The following MARK4 variants were observed in gnomAD, a reference collection of about 807,000 sequenced individuals.
MARK4 encodes MAP/microtubule affinity-regulating kinase 4.
Under a neutral mutation model 81.5 loss-of-function variants are expected in MARK4, and 19 were observed. That is an observed-to-expected ratio of 0.23 (90% CI 0.16 to 0.34). The LOEUF (loss-of-function observed/expected upper bound fraction) is 0.34. MARK4 is among the 10% of genes least tolerant of loss of function. The probability of loss-of-function intolerance (pLI) is 1.00; values close to 1 mark genes in which losing one functional copy is unlikely to be tolerated. For synonymous variants in MARK4, 436 were observed against 439.0 expected (o/e 0.99, Z 0.08); for missense variants, 772 against 1,058.8 (o/e 0.73, Z 3.76).
In MARK4 at chr19:45,297,749, C is replaced by T. The variant is rs779119139; in HGVS notation, c.1672C>T (p.Arg558Cys). 5.6e-5 allele frequency: 88 copies of T among 1,577,550 alleles called. No individual in the cohort carries two copies. Among genetic ancestry groups the T allele is most frequent in the Non-Finnish European group, 6.3e-5 (74 of 1,165,650 alleles). ...SLAPPSGERS[R>C]LARGSTIRST... ...GGCACCCCCATCAGGGGAGCGGAGC[C>T]GCCTGGCACGTGGTTCCACCATCCG... is the stretch of plus-strand genomic sequence containing the variant. Residue 558 changes from arginine (R) to cysteine (C), a missense_variant, in exon 15 of 17, where the codon CGC (arginine) becomes TGC (cysteine). Coordinates refer to ENST00000262891, the MANE Select transcript of MARK4 (RefSeq NM_001199867.2).
intron 2 of MARK4, among the ~76,000 whole-genome samples, chr19:45,260,414 G>A (rs1599779170): frequency 2.7e-5 from 4 of 147,032 alleles, no homozygotes; most frequent in East Asian, 2.0e-4. Context: ...AAAATTGGCC[G>A]AGTGCAGTGG....
In MARK4 at chr19:45,302,689, C is replaced by T; in HGVS notation, c.2238C>T (p.Ile746=). The part of the protein sequence containing the change: ...ALAFRTLVTR[I]SNDLEL ...CCTTCCGCACCCTCGTCACCCGCAT[C>T]TCCAACGACCTCGAGCTCTGAGCCA... The change falls in exon 17 of 17, where the codon ATC becomes ATT. Residue 746 remains isoleucine (I), a synonymous_variant. Transcript: ENST00000262891. This position sits in a 1 kb window ranked among gnomAD's most constrained non-coding sequence, Gnocchi z 4.9. The T allele has an allele frequency of 1.3e-6, 2 of 1,536,486 alleles. No homozygotes were observed. Among genetic ancestry groups the T allele is most frequent in the Non-Finnish European group, 1.7e-6 (2 of 1,146,956 alleles).
chr19:45,299,408 C>T (rs138888386), intron 15 of MARK4, among the ~76,000 whole-genome samples: 23 of 152,130 alleles, frequency 1.5e-4, no homozygotes, highest in African/African-American at 5.5e-4. Context: ...GAGTGAGACT[C>T]TGTCTCAAAA....
At chr19:45,293,300 C>T (rs935933585) in intron 13 of MARK4, among the ~76,000 whole-genome samples, 5 of 151,870 alleles carry the variant, frequency 3.3e-5, no homozygotes, top group African/African-American at 1.2e-4. Flanking sequence ...TCCAATGGAC[C>T]CCTGGTAAAA....
intron 1 of MARK4, among the ~76,000 whole-genome samples, chr19:45,255,159 C>T (rs952410581): frequency 2.6e-5 from 4 of 151,338 alleles, no homozygotes; most frequent in Non-Finnish European, 5.9e-5. Flanking sequence ...GCCTTGATTA[C>T]ACCACTGCAC....
chr19:45,289,568 G>C (rs1265935820), intron 13 of MARK4, among the ~76,000 whole-genome samples: 1 of 151,524 alleles, frequency 6.6e-6, no homozygotes, highest in Admixed American at 6.6e-5. Flanking sequence ...TCGGGAGTTC[G>C]AGACCAGCCT....
chr19:45,257,688 TA>T (rs374045500), intron 1 of MARK4, among the ~76,000 whole-genome samples: 27,383 of 116,138 alleles, frequency 0.24, 3,138 homozygotes, highest in South Asian at 0.32. Flanking sequence ...TGGCCCATAA[TA>T]TTTTTTTTTT....
At position 45,280,673 on chromosome 19, in the gene MARK4, C is replaced by T; in HGVS notation, c.1215C>T (p.His405=). ...NGTSSSKGTS[H]SKGQRSSSST... ...CAAGTTCCAGCAAAGGCACCAGCCA[C>T]AGCAAAGGGCAGCGGAGTTCCTCTT... The change falls in exon 12 of 17, where the codon CAC becomes CAT. Residue 405 remains histidine (H), a synonymous_variant. Transcript: ENST00000262891. 6.2e-7 allele frequency: 1 copy of T among 1,614,202 alleles called. No individual in the cohort carries two copies. The highest frequency in any genetic ancestry group is 8.5e-7 in the Non-Finnish European group (1 of 1,180,030).
intron 1 of MARK4, among the ~76,000 whole-genome samples, chr19:45,257,689 ATT>A (rs71173133): frequency 0.35 from 30,034 of 85,390 alleles, 2,750 homozygotes; most frequent in Non-Finnish European, 0.43. Context: ...GGCCCATAAT[ATT>A]TTTTTTTTTT....
Position 45,272,956 on chromosome 19 carries a change from G to A in MARK4, c.786+1248G>A, listed in dbSNP as rs1295739630. 3.9e-5 allele frequency among the ~76,000 whole-genome samples: 6 copies of A among 152,248 alleles called. No homozygotes were observed. The East Asian group carries it at 1.2e-3, about 29-fold the overall frequency. ...CTCCGTGCATATACTAAAAGCCATC[G>A]AATTGTGCACTTCGCTTCAAACAAA... On this transcript the variant is annotated intron_variant, in intron 8 of 16. Transcript: ENST00000262891.
Position 45,271,717 on chromosome 19 carries a change from A to G in MARK4, c.786+9A>G. 1 of 1,613,116 alleles carries G rather than the reference A, an allele frequency of 6.2e-7. No homozygotes were observed. Among genetic ancestry groups the G allele is most frequent in the Non-Finnish European group, 8.5e-7 (1 of 1,179,452 alleles). On this transcript the variant is annotated intron_variant, in intron 8 of 16. Coordinates refer to ENST00000262891, the MANE Select transcript of MARK4 (RefSeq NM_001199867.2). This position sits in a 1 kb window ranked among gnomAD's most constrained non-coding sequence, Gnocchi z 4.1. The stretch of plus-strand genomic sequence containing the variant: ...ACGGGCACAACCTCAAGGTACCGAG[A>G]GGGGCTGGGTGCAGGGGCATCAGCC...
chr19:45,257,286 T>C (rs1358701053), intron 1 of MARK4, among the ~76,000 whole-genome samples: 1 of 152,198 alleles, frequency 6.6e-6, no homozygotes, highest in African/African-American at 2.4e-5. Context: ...CAAGAAAGTA[T>C]TATAAAATTA....
intron 14 of MARK4, 117 bp from the exon 15 acceptor site, chr19:45,297,559 C>CT (rs1415040243): frequency 3.2e-6 from 2 of 631,636 alleles, no homozygotes; most frequent in East Asian, 2.8e-5. Flanking sequence ...AGCCCTGTCT[C>CT]TGAGTTCCAG....
Position 45,271,246 on chromosome 19 carries a change from A to C in MARK4, c.550-226A>C, listed in dbSNP as rs1252135249. Among the ~76,000 whole-genome samples the C allele has an allele frequency of 6.6e-6, 1 of 152,212 alleles. No individual in the cohort carries two copies. ...ATGTGGATTAACTCATAATTCTCAA[A>C]CTACGCTATGAAATAGGAACTAAGA... On this transcript the variant is annotated intron_variant, in intron 7 of 16. Coordinates refer to ENST00000262891, the MANE Select transcript of MARK4 (RefSeq NM_001199867.2). This position sits in a 1 kb window ranked among gnomAD's most constrained non-coding sequence, Gnocchi z 4.1.
intron 1 of MARK4, among the ~76,000 whole-genome samples, chr19:45,258,055 G>A (rs1308535752): frequency 1.4e-5 from 2 of 147,866 alleles, no homozygotes; most frequent in African/African-American, 2.5e-5. Context: ...GAGCGATCTC[G>A]GCTCACTACA....
intron 8 of MARK4, among the ~76,000 whole-genome samples, chr19:45,272,692 A>G (rs577677383): frequency 2.3e-3 from 345 of 152,128 alleles, no homozygotes; most frequent in African/African-American, 8.2e-3. Context: ...GTTCGAGACC[A>G]GCCTGGCCAA....
intron 9 of MARK4, among the ~76,000 whole-genome samples, 158 bp from the exon 10 acceptor site, chr19:45,278,358 G>A (rs1970628658): frequency 1.3e-5 from 2 of 152,118 alleles, no homozygotes; most frequent in Non-Finnish European, 2.9e-5. Context: ...GCTCCGGCAG[G>A]GGACGTGGGG....
intron 12 of MARK4, among the ~76,000 whole-genome samples, chr19:45,281,380 A>ATTTTTTTTTT (rs1970672659): frequency 1.7e-5 from 1 of 57,428 alleles, no homozygotes; most frequent in Admixed American, 1.3e-4. Flanking sequence ...TTTTTTTTTG[A>ATTTTTTTTTT]GACAGAGTCT....
chr19:45,258,971 T>G lies in MARK4; in HGVS notation c.52-18T>G, dbSNP rs1205436165. The G allele has an allele frequency of 6.2e-7, 1 of 1,609,592 alleles. No individual in the cohort carries two copies. The highest frequency in any genetic ancestry group is 2.2e-5 in the East Asian group (1 of 44,830). On this transcript the variant is annotated intron_variant, in intron 1 of 16. Coordinates refer to ENST00000262891, the MANE Select transcript of MARK4 (RefSeq NM_001199867.2). Reference sequence around the variant, plus strand: ...GAAGGTGGGATTGGATAGCTCATGCTCCATCTCCCCCGCCCAGCATGGCAC... The same window carrying G: ...GAAGGTGGGATTGGATAGCTCATGCGCCATCTCCCCCGCCCAGCATGGCAC...
Sources: allele counts gnomAD v4.1 joint callset (sites outside exome capture counted in the v4.1 genomes callset), GRCh38; gene constraint gnomAD v4.1.1; non-coding constraint Gnocchi (gnomAD v3.1); transcripts MANE v1.5; gene names NCBI Gene and HGNC (gene_info 2026-07-23, HGNC 2026-07-21).